Variants in SGK1 observed in about 807,000 individuals in gnomAD.
SGK1 encodes serum/glucocorticoid regulated kinase 1.
In SGK1, 26 loss-of-function variants were observed where a neutral mutation model predicts 64.2. That is an observed-to-expected ratio of 0.40 (90% CI 0.30 to 0.56). SGK1 has a LOEUF of 0.56. SGK1 is among the 20% of genes least tolerant of loss of function. The pLI is 0.38. For synonymous variants in SGK1, 265 were observed against 239.7 expected, an observed-to-expected ratio of 1.11 and a Z score of -0.98; for missense variants, 519 against 645.6, an observed-to-expected ratio of 0.80 and a Z score of 2.12.
intron 2 of SGK1, among the ~76,000 whole-genome samples, chr6:134,213,758 G>T: frequency 6.6e-6 from 1 of 151,990 alleles, no homozygotes; most frequent in East Asian, 1.9e-4. Context: ...TGGGCTCTTT[G>T]GTTCTTTCTT....
intron 2 of SGK1, among the ~76,000 whole-genome samples, chr6:134,216,681 T>A (rs919746030): frequency 1.3e-5 from 2 of 152,226 alleles, no homozygotes; most frequent in Non-Finnish European, 2.9e-5. Context: ...GAACCCGATA[T>A]CATGTACCTC....
At chr6:134,204,091 T>G (rs1281629380) in intron 3 of SGK1, among the ~76,000 whole-genome samples, 1 of 148,630 alleles carries the variant, frequency 6.7e-6, no homozygotes, top group African/African-American at 2.5e-5. Flanking sequence ...AAAAAGTATA[T>G]GTGCCTAATA....
At chr6:134,185,137 G>C (rs540684625) in intron 3 of SGK1, among the ~76,000 whole-genome samples, 1 of 152,282 alleles carries the variant, frequency 6.6e-6, no homozygotes, top group Non-Finnish European at 1.5e-5. Context: ...TTATAGAAAA[G>C]TATGCCATTG....
chr6:134,197,123 C>CAGG, intron 3 of SGK1, among the ~76,000 whole-genome samples: 2 of 152,068 alleles, frequency 1.3e-5, no homozygotes, highest in Non-Finnish European at 2.9e-5. Flanking sequence ...GTCCCAGCTA[C>CAGG]TTGGGGGGCT....
chr6:134,241,168 GC>G (rs1776442002), intron 2 of SGK1, among the ~76,000 whole-genome samples: 1 of 149,284 alleles, frequency 6.7e-6, no homozygotes, highest in Admixed American at 6.8e-5. Context: ...GACCACCTAA[GC>G]CTCCTGAGTA....
chr6:134,175,320 G>A (rs919736053), intron 3 of SGK1, among the ~76,000 whole-genome samples: 5 of 152,132 alleles, frequency 3.3e-5, no homozygotes, highest in African/African-American at 7.2e-5. Context: ...GCCGTCCTGC[G>A]GCCGGACTCC....
chr6:134,251,828 C>T (rs1214390170), intron 2 of SGK1, among the ~76,000 whole-genome samples: 1 of 152,132 alleles, frequency 6.6e-6, no homozygotes, highest in Non-Finnish European at 1.5e-5. Flanking sequence ...AATCATTGTT[C>T]ACTGCATCCT....
At chr6:134,234,131 G>A (rs1776329054) in intron 2 of SGK1, among the ~76,000 whole-genome samples, 1 of 152,252 alleles carries the variant, frequency 6.6e-6, no homozygotes, top group Non-Finnish European at 1.5e-5. Flanking sequence ...CAAGAGTGGT[G>A]GCTCACGCCT....
intron 3 of SGK1, among the ~76,000 whole-genome samples, chr6:134,192,637 T>C (rs1775533421): frequency 6.8e-6 from 1 of 147,106 alleles, no homozygotes; most frequent in Admixed American, 6.8e-5. Flanking sequence ...TGGCACGATC[T>C]TGGCTCACTG....
At chr6:134,292,132 C>G (rs1311250429) in intron 1 of SGK1, among the ~76,000 whole-genome samples, 1 of 151,530 alleles carries the variant, frequency 6.6e-6, no homozygotes, top group Non-Finnish European at 1.5e-5. Context: ...GACAACAAAT[C>G]ATTTTGTAGA....
intron 1 of SGK1, among the ~76,000 whole-genome samples, chr6:134,286,548 G>C (rs1418383645): frequency 6.7e-6 from 1 of 148,524 alleles, no homozygotes; most frequent in Admixed American, 6.8e-5. Flanking sequence ...CTCACTGCAA[G>C]CTCCGCCTCC....
chr6:134,264,480 T>G (rs1328406758), intron 1 of SGK1, among the ~76,000 whole-genome samples: 1 of 152,174 alleles, frequency 6.6e-6, no homozygotes, highest in Non-Finnish European at 1.5e-5. Flanking sequence ...CACTGGTGCT[T>G]GAAATTTATT....
intron 3 of SGK1, among the ~76,000 whole-genome samples, chr6:134,194,817 C>T (rs1278655912): frequency 6.6e-6 from 1 of 152,194 alleles, no homozygotes; most frequent in Non-Finnish European, 1.5e-5. Flanking sequence ...ACCACTGCAC[C>T]CGGCCTACAA....
intron 3 of SGK1, among the ~76,000 whole-genome samples, chr6:134,184,724 C>T (rs113096260): frequency 2.0e-5 from 3 of 152,022 alleles, no homozygotes; most frequent in Admixed American, 6.6e-5. Context: ...TGTTCTGTCC[C>T]GCAGTCTGGA....
At chr6:134,285,168 C>G (rs961356588) in intron 1 of SGK1, among the ~76,000 whole-genome samples, 3 of 151,892 alleles carry the variant, frequency 2.0e-5, no homozygotes, top group Non-Finnish European at 4.4e-5. Context: ...TGTAAAAGTG[C>G]TCCCTTTTGG....
At chr6:134,286,754 A>G (rs1777190785) in intron 1 of SGK1, among the ~76,000 whole-genome samples, 1 of 152,204 alleles carries the variant, frequency 6.6e-6, no homozygotes. Flanking sequence ...GGCGTGAGCC[A>G]CTGTGCCTGG....
At chr6:134,297,966 G>T in intron 1 of SGK1, 1 of 810,644 alleles carries the variant, frequency 1.2e-6, no homozygotes, top group Non-Finnish European at 2.2e-6. Context: ...CATGTCCGGG[G>T]AGCGGCTGTT....
chr6:134,293,590 A>C (rs114498617), intron 1 of SGK1, among the ~76,000 whole-genome samples: 1 of 152,322 alleles, frequency 6.6e-6, no homozygotes, highest in African/African-American at 2.4e-5. Flanking sequence ...AAAAGAACAG[A>C]AATCAGACCA....
At chr6:134,187,426 C>T (rs1486274915) in intron 3 of SGK1, among the ~76,000 whole-genome samples, 4 of 150,570 alleles carry the variant, frequency 2.7e-5, no homozygotes, top group Non-Finnish European at 5.9e-5. Flanking sequence ...CCCATTTCCA[C>T]CCCTTCCACC....
Sources: gnomAD v4.1 joint callset for allele counts (sites outside exome capture counted in the v4.1 genomes callset) on GRCh38, gnomAD v4.1.1 for gene constraint, MANE v1.5 for transcripts, NCBI Gene and HGNC (gene_info 2026-07-23, HGNC 2026-07-21) for gene names.